Variants in SMOC1 observed in about 807,000 individuals in gnomAD.
SMOC1 encodes SPARC related modular calcium binding 1.
In SMOC1, 22 loss-of-function variants were observed where a neutral mutation model predicts 56.3. The ratio of observed to expected loss-of-function variants is 0.39; its 90% CI spans 0.28 to 0.56. The LOEUF (loss-of-function observed/expected upper bound fraction) is 0.56, where lower values mean the gene tolerates loss of function less well. Among genes scored for constraint, SMOC1 ranks in the 20% least tolerant of loss-of-function variants. The pLI is 0.61. For synonymous variants in SMOC1, 193 were observed against 215.0 expected, an observed-to-expected ratio of 0.90 and a Z score of 0.89; for missense variants, 509 against 565.4, an observed-to-expected ratio of 0.90 and a Z score of 1.01.
intron 10 of SMOC1, among the ~76,000 whole-genome samples, chr14:70,018,910 A>G (rs1024365947): frequency 5.3e-5 from 8 of 152,140 alleles, no homozygotes; most frequent in African/African-American, 1.7e-4. Context: ...CCTGGACCCA[A>G]CTCCAGACGG....
chr14:69,952,580 A>G (rs1566686302), intron 2 of SMOC1, among the ~76,000 whole-genome samples: 1 of 152,160 alleles, frequency 6.6e-6, no homozygotes, highest in Non-Finnish European at 1.5e-5. Context: ...GAGATGCTTA[A>G]AACCGCAAGA....
At chr14:69,933,266 A>G (rs1233219600) in intron 1 of SMOC1, among the ~76,000 whole-genome samples, 2 of 152,220 alleles carry the variant, frequency 1.3e-5, no homozygotes, top group Non-Finnish European at 2.9e-5. Flanking sequence ...ATTTTCAGAA[A>G]CAGGATGGCA....
intron 3 of SMOC1, among the ~76,000 whole-genome samples, chr14:69,958,335 T>C (rs1883261271): frequency 6.6e-6 from 1 of 152,164 alleles, no homozygotes; most frequent in South Asian, 2.1e-4. Flanking sequence ...AAAGAGCTAA[T>C]CTTATGTAAA....
At chr14:69,879,893 TCTACTACCAGGTCCCCTGCGGG>T in intron 1 of SMOC1, 116 bp downstream of exon 1, 1 of 919,486 alleles carries the variant, frequency 1.1e-6, no homozygotes, top group Non-Finnish European at 1.6e-6. Flanking sequence ...TTGTCCTCTG[TCTACTACCAGGTCCCCTGCGGG>T]CTTGGTGAAG....
chr14:70,011,452 CT>C, intron 8 of SMOC1, 32 bp from the exon 9 acceptor site: 7 of 1,359,474 alleles, frequency 5.1e-6, no homozygotes, highest in Admixed American at 1.8e-5. Context: ...TTGCCAGCCC[CT>C]CCCAACCCCC....
At chr14:70,011,591 G>A (rs370420792) in intron 9 of SMOC1, 24 bp downstream of exon 9, 42 of 1,606,678 alleles carry the variant, frequency 2.6e-5, no homozygotes, top group Non-Finnish European at 3.1e-5. Context: ...CTGCCCTGCC[G>A]GCGCCATCAC....
At chr14:69,919,676 T>A (rs935169767) in intron 1 of SMOC1, among the ~76,000 whole-genome samples, 2 of 152,172 alleles carry the variant, frequency 1.3e-5, no homozygotes, top group African/African-American at 4.8e-5. Flanking sequence ...CAACTCACAA[T>A]CATCAAAGCT....
At chr14:69,988,070 C>T (rs1271156875) in intron 5 of SMOC1, among the ~76,000 whole-genome samples, 2 of 152,216 alleles carry the variant, frequency 1.3e-5, no homozygotes, top group Admixed American at 1.3e-4. Flanking sequence ...TTTTATCTGC[C>T]TGGTTTCTCC....
intron 1 of SMOC1, among the ~76,000 whole-genome samples, chr14:69,883,888 C>CTTTTT (rs1566659816): frequency 6.8e-5 from 4 of 59,166 alleles, no homozygotes; most frequent in Non-Finnish European, 1.2e-4. Context: ...TGATGTTGAG[C>CTTTTT]ATTTTTTTTT....
chr14:69,937,913 C>T (rs965831714), intron 1 of SMOC1, among the ~76,000 whole-genome samples: 4 of 152,132 alleles, frequency 2.6e-5, no homozygotes, highest in Non-Finnish European at 5.9e-5. Flanking sequence ...CAACAGAATT[C>T]GATGATATAG....
intron 7 of SMOC1, among the ~76,000 whole-genome samples, chr14:69,996,454 G>T (rs534671169): frequency 6.2e-4 from 95 of 152,358 alleles, no homozygotes; most frequent in Middle Eastern, 3.4e-3. Flanking sequence ...GGAATAGAAT[G>T]CCTGTCTTCT....
At chr14:69,954,975 A>C (rs985495508) in intron 3 of SMOC1, among the ~76,000 whole-genome samples, 4 of 152,114 alleles carry the variant, frequency 2.6e-5, no homozygotes, top group African/African-American at 9.7e-5. Context: ...GCATTTTAAA[A>C]GTTTTCTGGT....
At chr14:69,981,188 C>T (rs1447838680) in intron 5 of SMOC1, among the ~76,000 whole-genome samples, 1 of 151,472 alleles carries the variant, frequency 6.6e-6, no homozygotes, top group Non-Finnish European at 1.5e-5. Flanking sequence ...GCTGTGGCTC[C>T]TGGATCCACA....
chr14:69,930,510 G>C (rs761101187), intron 1 of SMOC1, among the ~76,000 whole-genome samples: 1 of 152,196 alleles, frequency 6.6e-6, no homozygotes, highest in Non-Finnish European at 1.5e-5. Flanking sequence ...AGCTGACTGG[G>C]TGCAGAGGAA....
intron 1 of SMOC1, among the ~76,000 whole-genome samples, chr14:69,926,140 C>A (rs973794352): frequency 1.3e-5 from 2 of 151,964 alleles, no homozygotes; most frequent in Admixed American, 6.6e-5. Context: ...GGAACAGACA[C>A]AAATTATGTC....
intron 1 of SMOC1, among the ~76,000 whole-genome samples, chr14:69,924,203 G>C (rs1365583280): frequency 6.6e-6 from 1 of 152,154 alleles, no homozygotes; most frequent in Non-Finnish European, 1.5e-5. Context: ...ATCACTCTTG[G>C]TCCTTCCTTC....
intron 11 of SMOC1, among the ~76,000 whole-genome samples, chr14:70,027,254 G>A (rs1885961162): frequency 6.6e-6 from 1 of 152,308 alleles, no homozygotes; most frequent in African/African-American, 2.4e-5. Context: ...CTGGCGCTTG[G>A]CCCAGCCTCA....
At chr14:69,922,637 G>A (rs1316938583) in intron 1 of SMOC1, among the ~76,000 whole-genome samples, 4 of 152,178 alleles carry the variant, frequency 2.6e-5, no homozygotes, top group Non-Finnish European at 5.9e-5. Context: ...CAGACCTAGT[G>A]AATGATAACC....
chr14:69,883,282 C>T (rs1883695513), intron 1 of SMOC1, among the ~76,000 whole-genome samples: 3 of 152,046 alleles, frequency 2.0e-5, no homozygotes, highest in African/African-American at 4.8e-5. Flanking sequence ...TCTCCTTTCC[C>T]TCTCCCCTCT....
Sources: gnomAD v4.1 joint callset for allele counts (sites outside exome capture counted in the v4.1 genomes callset) on GRCh38, gnomAD v4.1.1 for gene constraint, MANE v1.5 for transcripts, NCBI Gene and HGNC (gene_info 2026-07-23, HGNC 2026-07-21) for gene names.